Variants in AGMO observed in about 807,000 individuals in gnomAD.
The protein encoded by AGMO is alkylglycerol monooxygenase.
In AGMO, 75 loss-of-function variants were observed where a neutral mutation model predicts 60.2. The observed-to-expected ratio is 1.25, with a 90% CI of 1.03 to 1.51. AGMO has a LOEUF of 1.51. AGMO is among the 40% of genes most tolerant of loss of function. The pLI is 0.00. For missense variants in AGMO, 763 were observed against 525.5 expected (o/e 1.45, Z -4.42); for synonymous variants, 261 against 177.1 (o/e 1.47, Z -3.76).
intron 12 of AGMO, among the ~76,000 whole-genome samples, chr7:15,346,838 C>G (rs1583435630): frequency 6.8e-6 from 1 of 146,162 alleles, no homozygotes; most frequent in Non-Finnish European, 1.5e-5. Context: ...AAAATTAGAA[C>G]TTGTTTAAAT....
At chr7:15,406,120 G>C (rs1467360683) in intron 5 of AGMO, among the ~76,000 whole-genome samples, 1 of 151,456 alleles carries the variant, frequency 6.6e-6, no homozygotes, top group Non-Finnish European at 1.5e-5. Flanking sequence ...TGTTGGGAAA[G>C]AGTCACTACA....
At chr7:15,363,707 G>T (rs1416297010) in intron 12 of AGMO, among the ~76,000 whole-genome samples, 1 of 152,050 alleles carries the variant, frequency 6.6e-6, no homozygotes, top group Non-Finnish European at 1.5e-5. Flanking sequence ...CATCATCAAA[G>T]AATACCAAAT....
intron 12 of AGMO, among the ~76,000 whole-genome samples, chr7:15,207,137 T>C (rs1030885539): frequency 2.6e-5 from 4 of 152,152 alleles, no homozygotes; most frequent in African/African-American, 9.7e-5. Context: ...CCATAAATAT[T>C]AGCCACAAGA....
chr7:15,438,140 A>C (rs1325933904), intron 3 of AGMO, among the ~76,000 whole-genome samples: 1 of 152,152 alleles, frequency 6.6e-6, no homozygotes, highest in Non-Finnish European at 1.5e-5. Flanking sequence ...AGAATTTATC[A>C]TCTTTTCAAC....
At chr7:15,252,302 C>G (rs549768385) in intron 12 of AGMO, among the ~76,000 whole-genome samples, 3 of 152,152 alleles carry the variant, frequency 2.0e-5, no homozygotes, top group Admixed American at 2.0e-4. Flanking sequence ...ATTCTAAGAT[C>G]GGCTCCATGA....
the AGMO span, among the ~76,000 whole-genome samples, chr7:15,194,636 T>A: frequency 6.6e-6 from 1 of 152,328 alleles, no homozygotes; most frequent in South Asian, 2.1e-4. Context: ...TGATAAACAT[T>A]TTATGCAAAT....
At chr7:15,500,691 G>C (rs533699738) in intron 3 of AGMO, among the ~76,000 whole-genome samples, 5 of 151,860 alleles carry the variant, frequency 3.3e-5, no homozygotes, top group Non-Finnish European at 7.4e-5. Flanking sequence ...GTTTCCTTCA[G>C]TTCAGCTCTG....
intron 12 of AGMO, among the ~76,000 whole-genome samples, chr7:15,229,655 A>G (rs1216322545): frequency 6.7e-6 from 1 of 148,328 alleles, no homozygotes; most frequent in East Asian, 1.9e-4. Context: ...TTCCTTTATA[A>G]GAATTATGGG....
At chr7:15,217,310 A>T (rs1446313344) in intron 12 of AGMO, among the ~76,000 whole-genome samples, 1 of 152,098 alleles carries the variant, frequency 6.6e-6, no homozygotes, top group Non-Finnish European at 1.5e-5. Flanking sequence ...ACTGAGGAGG[A>T]GTTCATAATA....
At chr7:15,211,226 TTAAATTA>T (rs1431787444) in intron 12 of AGMO, among the ~76,000 whole-genome samples, 12 of 152,030 alleles carry the variant, frequency 7.9e-5, no homozygotes, top group African/African-American at 2.9e-4. Context: ...ACTTACTTTT[TTAAATTA>T]TAAAGTATTA....
chr7:15,223,214 T>G (rs1781976322), intron 12 of AGMO, among the ~76,000 whole-genome samples: 1 of 151,968 alleles, frequency 6.6e-6, no homozygotes, highest in Non-Finnish European at 1.5e-5. Flanking sequence ...CAGTAAGAAG[T>G]GTTATAGTAA....
intron 3 of AGMO, among the ~76,000 whole-genome samples, chr7:15,467,889 T>C (rs1462595576): frequency 6.6e-6 from 1 of 152,072 alleles, no homozygotes; most frequent in South Asian, 2.1e-4. Flanking sequence ...TTCAATATAG[T>C]ACGGCTCTGA....
chr7:15,347,674 C>G (rs991931356), intron 12 of AGMO, among the ~76,000 whole-genome samples: 1 of 151,868 alleles, frequency 6.6e-6, no homozygotes, highest in African/African-American at 2.4e-5. Flanking sequence ...AACCACTAAT[C>G]CAAGTTCTTA....
chr7:15,374,390 TA>T (rs1417460165), intron 10 of AGMO, among the ~76,000 whole-genome samples: 2 of 152,078 alleles, frequency 1.3e-5, no homozygotes, highest in African/African-American at 4.8e-5. Flanking sequence ...ATAATTAACA[TA>T]TAGTTCAAAA....
rs550586248 is a variant in AGMO, at chr7:15,360,785, A to G, written c.1263+4729T>C. On this transcript the variant is annotated intron_variant, in intron 12 of 12. Transcript: ENST00000342526. ...TAAGGGTCAATTGGATCCAAAAGCTATAATAACTGCCAGGATATGGTCAAT... is the reference window on the plus strand; with the variant it reads ...TAAGGGTCAATTGGATCCAAAAGCTGTAATAACTGCCAGGATATGGTCAAT... 2.0e-4 allele frequency among the ~76,000 whole-genome samples: 31 copies of G among 152,286 alleles called. No individual in the cohort carries two copies. In the South Asian group the frequency reaches 3.7e-3, roughly 18 times the overall value.
intron 10 of AGMO, among the ~76,000 whole-genome samples, chr7:15,369,491 T>C (rs1186342935): frequency 6.6e-6 from 1 of 152,152 alleles, no homozygotes; most frequent in Non-Finnish European, 1.5e-5. Flanking sequence ...CACTCAAGTC[T>C]GTTTCACCTA....
chr7:15,281,278 T>C, intron 12 of AGMO, among the ~76,000 whole-genome samples: 1 of 152,138 alleles, frequency 6.6e-6, no homozygotes, highest in East Asian at 1.9e-4. Context: ...AGAAGGAGAC[T>C]TCTTTCTCCC....
intron 12 of AGMO, among the ~76,000 whole-genome samples, chr7:15,276,104 G>T (rs891046324): frequency 1.3e-5 from 2 of 152,136 alleles, no homozygotes; most frequent in Non-Finnish European, 2.9e-5. Context: ...AGCTAACTGT[G>T]TAATTGCTCT....
intron 12 of AGMO, among the ~76,000 whole-genome samples, chr7:15,232,363 G>A (rs927120213): frequency 2.0e-5 from 3 of 152,184 alleles, no homozygotes; most frequent in Non-Finnish European, 4.4e-5. Flanking sequence ...GTAAAAGATA[G>A]CTTTTCCCTT....
Sources: gnomAD v4.1 joint callset for allele counts (sites outside exome capture counted in the v4.1 genomes callset) on GRCh38, gnomAD v4.1.1 for gene constraint, MANE v1.5 for transcripts, NCBI Gene and HGNC (gene_info 2026-07-23, HGNC 2026-07-21) for gene names.